CHCHD3: variants seen among roughly 807,000 people sequenced by gnomAD.
CHCHD3 encodes the protein MICOS complex subunit MIC19.
Under a neutral mutation model 38.2 loss-of-function variants are expected in CHCHD3, and 20 were observed. That is an observed-to-expected ratio of 0.52 (90% confidence interval 0.37 to 0.76). CHCHD3 has a LOEUF of 0.76. CHCHD3 is among the 30% of genes least tolerant of loss of function. CHCHD3 has a pLI of 0.00. For synonymous variants in CHCHD3, 82 were observed against 100.0 expected (o/e 0.82, Z 1.07); for missense variants, 245 against 279.2 (o/e 0.88, Z 0.87).
intron 5 of CHCHD3, among the ~76,000 whole-genome samples, chr7:132,873,374 A>G (rs536453964): frequency 6.6e-6 from 1 of 151,996 alleles, no homozygotes; most frequent in Admixed American, 6.6e-5. Flanking sequence ...ACTAATTTCA[A>G]GCACTGCCTA....
intron 5 of CHCHD3, among the ~76,000 whole-genome samples, chr7:132,876,984 C>G (rs1808929963): frequency 6.6e-6 from 1 of 152,118 alleles, no homozygotes; most frequent in Admixed American, 6.6e-5. Context: ...CAACTCACAG[C>G]TTTGTACTCC....
intron 4 of CHCHD3, chr7:132,972,481 T>C (rs1811637743): frequency 1.3e-5 from 9 of 678,908 alleles, no homozygotes; most frequent in African/African-American, 5.9e-5. Flanking sequence ...TTGTAGTACA[T>C]TGAGTGATTT....
intron 1 of CHCHD3, among the ~76,000 whole-genome samples, chr7:133,071,890 G>A (rs1814827423): frequency 6.6e-6 from 1 of 152,160 alleles, no homozygotes; most frequent in African/African-American, 2.4e-5. Flanking sequence ...GAAACACCCA[G>A]AAAAAGCATC....
intron 4 of CHCHD3, among the ~76,000 whole-genome samples, chr7:132,939,918 G>A (rs751782564): frequency 5.9e-5 from 9 of 152,038 alleles, no homozygotes; most frequent in Admixed American, 2.0e-4. Context: ...CAGTCCCTAC[G>A]GACATATTCT....
Position 132,817,775 on chromosome 7 carries a change from T to C in CHCHD3, c.524+20624A>G, listed in dbSNP as rs974542944. 3.3e-5 allele frequency among the ~76,000 whole-genome samples: 5 copies of C among 152,168 alleles called. No individual in the cohort carries two copies. In the South Asian group the frequency reaches 1.0e-3, roughly 32 times the overall value. On this transcript the variant is annotated intron_variant, in intron 6 of 7. Transcript: ENST00000262570. ...AGGAGGCTGAGACAGGAGGATCACT[T>C]GACCCAGGAGGATCACTTGACCCAG...
At chr7:132,952,460 G>C (rs1375397498) in intron 4 of CHCHD3, among the ~76,000 whole-genome samples, 1 of 152,118 alleles carries the variant, frequency 6.6e-6, no homozygotes, top group Non-Finnish European at 1.5e-5. Context: ...TTAAAAGTTG[G>C]CTACAGATTT....
At chr7:132,946,582 A>G (rs1810908423) in intron 4 of CHCHD3, among the ~76,000 whole-genome samples, 1 of 152,000 alleles carries the variant, frequency 6.6e-6, no homozygotes, top group African/African-American at 2.4e-5. Flanking sequence ...AAAAATGATG[A>G]GTCTCCTAGT....
At chr7:132,822,315 G>GTTTC (rs1282493989) in intron 6 of CHCHD3, among the ~76,000 whole-genome samples, 6 of 151,964 alleles carry the variant, frequency 3.9e-5, no homozygotes, top group African/African-American at 1.5e-4. Flanking sequence ...CACCTCTAGG[G>GTTTC]AATTACAAAC....
intron 3 of CHCHD3, among the ~76,000 whole-genome samples, chr7:133,023,227 G>A (rs757433515): frequency 9.2e-5 from 14 of 152,068 alleles, no homozygotes; most frequent in Non-Finnish European, 1.8e-4. Flanking sequence ...ATTAAATCTT[G>A]ATTTTTTAAA....
At chr7:133,069,396 T>C (rs1320604834) in intron 2 of CHCHD3, among the ~76,000 whole-genome samples, 1 of 152,110 alleles carries the variant, frequency 6.6e-6, no homozygotes, top group Admixed American at 6.5e-5. Context: ...TAGCCAGATT[T>C]CCCCCTTTCT....
chr7:133,035,323 A>ACT lies in CHCHD3; in HGVS notation c.170-10698_170-10697dup. ...TTCAGTTCCCCCAAGACAGCCCGGA[A>ACT]CTGGGGCTGGTTAATGCAGGTGAGG... is the stretch of plus-strand genomic sequence containing the variant. On this transcript the variant is annotated intron_variant, in intron 2 of 7. Transcript: ENST00000262570. This position sits in a 1 kb window ranked among gnomAD's most constrained non-coding sequence, Gnocchi z 4.7. 4 of 1,610,190 alleles carry ACT rather than the reference A, an allele frequency of 2.5e-6. No homozygotes were observed. Among genetic ancestry groups the ACT allele is most frequent in the Non-Finnish European group, 3.4e-6 (4 of 1,176,484 alleles).
At chr7:133,043,501 G>A (rs149811944) in intron 2 of CHCHD3, among the ~76,000 whole-genome samples, 2,163 of 152,136 alleles carry the variant, frequency 0.014, 45 homozygotes, top group African/African-American at 0.049. Flanking sequence ...AATTAGCTGG[G>A]CGTGGTGGTG....
chr7:132,978,916 A>G (rs1811843885), intron 3 of CHCHD3, among the ~76,000 whole-genome samples: 1 of 152,156 alleles, frequency 6.6e-6, no homozygotes, highest in Non-Finnish European at 1.5e-5. Flanking sequence ...AAATGTTTTT[A>G]AAGGAATGTT....
chr7:133,043,645 CAAAAA>C (rs765611377), intron 2 of CHCHD3, among the ~76,000 whole-genome samples: 1 of 99,130 alleles, frequency 1.0e-5, no homozygotes, highest in Non-Finnish European at 2.1e-5. Flanking sequence ...GACTCCATCT[CAAAAA>C]AAAAAAAAAA....
chr7:132,908,385 G>A (rs1809850266), intron 4 of CHCHD3, among the ~76,000 whole-genome samples: 1 of 152,072 alleles, frequency 6.6e-6, no homozygotes. Flanking sequence ...GAAAAATCAT[G>A]CTGGCTCTAG....
At chr7:132,805,056 C>T (rs572057734) in intron 6 of CHCHD3, among the ~76,000 whole-genome samples, 4 of 152,252 alleles carry the variant, frequency 2.6e-5, no homozygotes, top group South Asian at 2.1e-4. Context: ...TGCAGTGCTG[C>T]GAGGCAGAAA....
chr7:133,081,284 A>C (rs1815163818), intron 1 of CHCHD3, among the ~76,000 whole-genome samples: 1 of 152,128 alleles, frequency 6.6e-6, no homozygotes, highest in Admixed American at 6.5e-5. Flanking sequence ...AGGAGATATC[A>C]AGTGAAAGTG....
At chr7:132,845,817 G>A (rs1474960331) in intron 5 of CHCHD3, among the ~76,000 whole-genome samples, 3 of 152,144 alleles carry the variant, frequency 2.0e-5, no homozygotes, top group East Asian at 3.9e-4. Context: ...TTTCCGGCAT[G>A]CAACTTTTCT....
intron 1 of CHCHD3, among the ~76,000 whole-genome samples, chr7:133,080,675 T>A (rs969213720): frequency 2.6e-5 from 4 of 152,192 alleles, no homozygotes; most frequent in African/African-American, 9.6e-5. Context: ...CAAAATGTAG[T>A]ACTACCATTA....
Sources: allele counts gnomAD v4.1 joint callset (sites outside exome capture counted in the v4.1 genomes callset), GRCh38; gene constraint gnomAD v4.1.1; non-coding constraint Gnocchi (gnomAD v3.1); transcripts MANE v1.5; gene names NCBI Gene and HGNC (gene_info 2026-07-23, HGNC 2026-07-21).